The following DAB1 variants were observed in gnomAD, a reference collection of about 807,000 sequenced individuals.
DAB1 encodes disabled homolog 1.
A neutral mutation model predicts 64.6 loss-of-function variants in DAB1; 15 were observed. The observed-to-expected ratio is 0.23, with a 90% CI of 0.16 to 0.36. DAB1 has a LOEUF of 0.36. Ranked by LOEUF, DAB1 falls within the 10% of genes least tolerant of loss-of-function variation. DAB1 has a pLI of 1.00. For missense variants in DAB1, 596 were observed against 706.7 expected (o/e 0.84, Z 1.78); for synonymous variants, 235 against 251.9 (o/e 0.93, Z 0.64).
At chr1:58,284,140 G>C (rs1661629909) in intron 4 of DAB1, among the ~76,000 whole-genome samples, 1 of 152,262 alleles carries the variant, frequency 6.6e-6, no homozygotes, top group East Asian at 1.9e-4. Flanking sequence ...TTTCTGACCA[G>C]AGGCTGTTAC....
intron 11 of DAB1, 92 bp from the exon 12 acceptor site, chr1:57,015,523 G>A (rs1646401887): frequency 2.5e-6 from 3 of 1,187,522 alleles, no homozygotes; most frequent in Non-Finnish European, 3.5e-6. Context: ...AATGTATCAA[G>A]CACCAACTAA....
intron 7 of DAB1, among the ~76,000 whole-genome samples, chr1:57,646,137 A>G (rs1168805776): frequency 6.6e-6 from 1 of 152,240 alleles, no homozygotes; most frequent in Non-Finnish European, 1.5e-5. Flanking sequence ...TGATGGCTGC[A>G]GATGAATATA....
At chr1:57,318,704 T>C (rs1390373428) in intron 1 of DAB1, among the ~76,000 whole-genome samples, 1 of 147,980 alleles carries the variant, frequency 6.8e-6, no homozygotes, top group Admixed American at 6.8e-5. Context: ...TATTAAACTT[T>C]CAACTTTTTG....
intron 6 of DAB1, among the ~76,000 whole-genome samples, chr1:57,708,421 G>T (rs1180381482): frequency 6.6e-6 from 1 of 152,210 alleles, no homozygotes; most frequent in African/African-American, 2.4e-5. Flanking sequence ...CTGAATTGGA[G>T]GAGGTGATGC....
chr1:58,074,543 T>TATATATATATAC (rs1360215801), intron 5 of DAB1: 1 of 95,902 alleles, frequency 1.0e-5, no homozygotes, highest in African/African-American at 4.2e-5. Context: ...TATATATATA[T>TATATATATATAC]ACACACATAT....
intron 2 of DAB1, among the ~76,000 whole-genome samples, chr1:57,253,247 A>C (rs1281250600): frequency 2.0e-5 from 3 of 152,186 alleles, no homozygotes; most frequent in Admixed American, 2.0e-4. Flanking sequence ...CACTGTCCTC[A>C]TCCCCATTAC....
intron 1 of DAB1, among the ~76,000 whole-genome samples, chr1:57,409,444 G>T (rs547684888): frequency 6.6e-6 from 1 of 152,282 alleles, no homozygotes; most frequent in South Asian, 2.1e-4. Context: ...TGTGTTCAGG[G>T]TTAGCACAGA....
chr1:58,329,812 G>A (rs1395650985), intron 4 of DAB1, among the ~76,000 whole-genome samples: 1 of 152,048 alleles, frequency 6.6e-6, no homozygotes, highest in Non-Finnish European at 1.5e-5. Context: ...CATTTTTTAT[G>A]ATGAACTTAA....
chr1:57,681,324 C>T (rs1646634233), intron 6 of DAB1, among the ~76,000 whole-genome samples: 1 of 152,248 alleles, frequency 6.6e-6, no homozygotes, highest in African/African-American at 2.4e-5. Context: ...CTATCTTATG[C>T]CAGCATTACC....
intron 7 of DAB1, among the ~76,000 whole-genome samples, chr1:57,611,272 C>G (rs1239816271): frequency 2.6e-5 from 4 of 151,908 alleles, no homozygotes; most frequent in Non-Finnish European, 4.4e-5. Flanking sequence ...CAGCAAGGTT[C>G]CTGCCTTCCC....
At chr1:57,699,199 C>G (rs1646879682) in intron 6 of DAB1, among the ~76,000 whole-genome samples, 1 of 152,194 alleles carries the variant, frequency 6.6e-6, no homozygotes, top group Non-Finnish European at 1.5e-5. Context: ...CTTTGGCCTC[C>G]CTAAGTCTGG....
At chr1:57,350,048 G>A (rs914172617) in intron 1 of DAB1, among the ~76,000 whole-genome samples, 1 of 152,134 alleles carries the variant, frequency 6.6e-6, no homozygotes, top group Admixed American at 6.5e-5. Flanking sequence ...TGGCCACATT[G>A]CCAATAGCCC....
intron 4 of DAB1, among the ~76,000 whole-genome samples, chr1:58,215,499 C>T (rs1409892745): frequency 4.6e-5 from 7 of 151,998 alleles, no homozygotes; most frequent in African/African-American, 1.7e-4. Flanking sequence ...AGATTGTTAG[C>T]CTCCTAAAGG....
rs747021990 is a variant in DAB1 at position 57,226,672 on chromosome 1, A to AAAAAAAATATATATATAT, written c.67+64291_67+64292insATATATATATATTTTTTT. ...GTCACTCAAAAGTGGTTAAAAAAAAAATATATATATATATATATATATATA... is the reference window on the plus strand; with the variant it reads ...GTCACTCAAAAGTGGTTAAAAAAAAAAAAAAAATATATATATATATATATATATATATATATATATATA... On this transcript the variant is annotated intron_variant, in intron 2 of 14. Coordinates refer to ENST00000371236, the MANE Select transcript of DAB1 (RefSeq NM_001365792.1). Among the ~76,000 whole-genome samples the AAAAAAAATATATATATAT allele has an allele frequency of 4.8e-4, 65 of 135,984 alleles. 1 individual carries two copies. Among genetic ancestry groups the AAAAAAAATATATATATAT allele is most frequent in the African/African-American group, 2.0e-3 (65 of 32,390 alleles). 89.2% of individuals were successfully genotyped at this position (135,984 alleles called of 152,430 possible).
At chr1:57,355,654 ATCGTGGTATT>A (rs1271462670) in intron 1 of DAB1, among the ~76,000 whole-genome samples, 1 of 151,998 alleles carries the variant, frequency 6.6e-6, no homozygotes, top group Non-Finnish European at 1.5e-5. Flanking sequence ...AAGGCAAAAG[ATCGTGGTATT>A]TCGTGGTATT....
chr1:57,995,012 G>A (rs950834494), intron 5 of DAB1, among the ~76,000 whole-genome samples: 1 of 152,168 alleles, frequency 6.6e-6, no homozygotes, highest in Non-Finnish European at 1.5e-5. Flanking sequence ...GAACACTGAC[G>A]GTTAGGAGAC....
At chr1:58,433,154 G>A (rs1644898206) in intron 3 of DAB1, among the ~76,000 whole-genome samples, 1 of 152,204 alleles carries the variant, frequency 6.6e-6, no homozygotes, top group South Asian at 2.1e-4. Flanking sequence ...AGACTGTAGG[G>A]CTTCTCTCAT....
chr1:57,766,657 T>G (rs2406282), intron 6 of DAB1, among the ~76,000 whole-genome samples: 88,000 of 151,942 alleles, frequency 0.58, 25,633 homozygotes, highest in East Asian at 0.65. Context: ...CATTTCTTTG[T>G]TTCTCTAGTC....
At chr1:57,484,115 C>T (rs1479173393) in intron 7 of DAB1, among the ~76,000 whole-genome samples, 2 of 152,072 alleles carry the variant, frequency 1.3e-5, no homozygotes, top group African/African-American at 4.8e-5. Context: ...GAAGCATTTC[C>T]TGGCAGGAAA....
Sources: allele counts gnomAD v4.1 joint callset (sites outside exome capture counted in the v4.1 genomes callset), GRCh38; gene constraint gnomAD v4.1.1; transcripts MANE v1.5; gene names NCBI Gene and HGNC (gene_info 2026-07-23, HGNC 2026-07-21).